Variants in SH3BP5 observed in about 807,000 individuals in gnomAD.
SH3BP5 encodes the protein SH3 domain-binding protein 5.
A neutral mutation model predicts 43.3 loss-of-function variants in SH3BP5; 22 were observed. That is an observed-to-expected ratio of 0.51 (90% CI 0.36 to 0.73). The LOEUF is 0.73. SH3BP5 is among the 30% of genes least tolerant of loss of function. The pLI, the probability that SH3BP5 is intolerant of heterozygous loss-of-function variation, is 0.00. For missense variants in SH3BP5, 529 were observed against 586.9 expected (o/e 0.90, Z 1.02); for synonymous variants, 255 against 225.8 (o/e 1.13, Z -1.16).
At chr3:15,320,569 G>A (rs1475836030) in intron 2 of SH3BP5, among the ~76,000 whole-genome samples, 2 of 139,038 alleles carry the variant, frequency 1.4e-5, no homozygotes, top group Admixed American at 7.5e-5. Flanking sequence ...CCTGCCAAAG[G>A]ATGAGGTTCA....
chr3:15,262,493 C>T (rs1291454373), intron 4 of SH3BP5, among the ~76,000 whole-genome samples: 2 of 152,030 alleles, frequency 1.3e-5, no homozygotes, highest in Non-Finnish European at 2.9e-5. Flanking sequence ...CCCGTCACTG[C>T]TAAAAATACA....
chr3:15,328,236 C>G (rs1023398794), intron 2 of SH3BP5, among the ~76,000 whole-genome samples: 3 of 152,052 alleles, frequency 2.0e-5, no homozygotes, highest in African/African-American at 4.8e-5. Flanking sequence ...CTGTGACACA[C>G]AAATACCTAA....
At chr3:15,322,408 G>T (rs996344591) in intron 2 of SH3BP5, among the ~76,000 whole-genome samples, 4 of 151,794 alleles carry the variant, frequency 2.6e-5, no homozygotes, top group Admixed American at 1.3e-4. Context: ...AAATGCTAAC[G>T]CCCCCAAGCA....
At chr3:15,331,931 G>A (rs1698620245) in intron 1 of SH3BP5, 2 of 226,382 alleles carry the variant, frequency 8.8e-6, no homozygotes, top group Admixed American at 6.0e-5. Flanking sequence ...TGCCGCGGCC[G>A]GGCAGGGGTA....
At position 15,254,356 on chromosome 3, in the gene SH3BP5, T is replaced by C. The variant is rs1404119459; in HGVS notation, c.*1730A>G. ...TCATGATTGGCCAACCAAGAACTTTTTCTCCACAGCATGCTTTAATAATGA... is the reference window on the plus strand; with the variant it reads ...TCATGATTGGCCAACCAAGAACTTTCTCTCCACAGCATGCTTTAATAATGA... On this transcript the variant is annotated 3_prime_UTR_variant, in exon 9 of 9. Coordinates refer to ENST00000383791, the MANE Select transcript of SH3BP5 (RefSeq NM_004844.5). 2.6e-5 allele frequency: 4 copies of C among 152,244 alleles called. No individual in the cohort carries two copies. The highest frequency in any genetic ancestry group is 4.8e-5 in the African/African-American group (2 of 41,462). The allele number at this position is 152,244 out of a possible 1,614,324, so 9.4% of individuals were successfully genotyped here.
Position 15,255,031 on chromosome 3 carries a change from T to TGTTA in SH3BP5, c.*1054_*1055insTAAC, listed in dbSNP as rs1321033504. ...TTGAAAGAGGGTTGCTTTTTTCTTTTAGAAATGCTAAATTTTCTTAACAAG... is the reference window on the plus strand; with the variant it reads ...TTGAAAGAGGGTTGCTTTTTTCTTTTGTTAAGAAATGCTAAATTTTCTTAACAAG... On this transcript the variant is annotated 3_prime_UTR_variant, in exon 9 of 9. Coordinates refer to ENST00000383791, the MANE Select transcript of SH3BP5 (RefSeq NM_004844.5). The TGTTA allele has an allele frequency of 1.3e-5, 2 of 152,514 alleles. No homozygotes were observed. 9.4% of individuals were successfully genotyped at this position (152,514 alleles called of 1,614,324 possible).
chr3:15,317,855 G>C (rs979885798), intron 2 of SH3BP5, among the ~76,000 whole-genome samples: 1 of 152,176 alleles, frequency 6.6e-6, no homozygotes, highest in African/African-American at 2.4e-5. Flanking sequence ...CCTCTCCCAA[G>C]GAGCTATACC....
At chr3:15,309,540 G>A (rs1337435236) in intron 2 of SH3BP5, among the ~76,000 whole-genome samples, 1 of 152,090 alleles carries the variant, frequency 6.6e-6, no homozygotes, top group Non-Finnish European at 1.5e-5. Context: ...CACCATGCCT[G>A]CTTTTTTGTT....
rs1262188420 is a variant in SH3BP5, at chr3:15,300,567, G to GC, written c.330+3535dup. On this transcript the variant is annotated intron_variant, in intron 3 of 8. Transcript: ENST00000383791. ...TTGGCAGCATCTGGAAGTGGACATC[G>GC]CCCCCCTCACCATCAGGAAGGTGAG... 3.3e-5 allele frequency among the ~76,000 whole-genome samples: 5 copies of GC among 151,966 alleles called. No individual in the cohort carries two copies. In the East Asian group the frequency reaches 5.8e-4, roughly 18 times the overall value.
In SH3BP5 at chr3:15,255,077, A is replaced by G. The variant is rs1055286514; in HGVS notation, c.*1009T>C. 6.6e-6 allele frequency: 1 copy of G among 152,650 alleles called. No homozygotes were observed. Among genetic ancestry groups the G allele is most frequent in the Non-Finnish European group, 1.5e-5 (1 of 68,056 alleles). 9.5% of individuals were successfully genotyped at this position (152,650 alleles called of 1,614,324 possible). A position where few individuals can be genotyped will look rare whatever the true frequency, so the allele number is the denominator to read the frequency against. Reference sequence around the variant, plus strand: ...ACAAGACAAAAATACAGTGCTCTAAATATGCATTACCATGAAAACGTTAAA... The same window carrying G: ...ACAAGACAAAAATACAGTGCTCTAAGTATGCATTACCATGAAAACGTTAAA... On this transcript the variant is annotated 3_prime_UTR_variant, in exon 9 of 9. Transcript: ENST00000383791.
At chr3:15,299,658 A>G (rs1697678630) in intron 3 of SH3BP5, among the ~76,000 whole-genome samples, 1 of 151,758 alleles carries the variant, frequency 6.6e-6, no homozygotes, top group Admixed American at 6.6e-5. Flanking sequence ...ACATCCAGCT[A>G]ATTTTAAATT....
At position 15,307,520 on chromosome 3, in the gene SH3BP5, T is replaced by C. The variant is rs535298704; in HGVS notation, c.202-3289A>G. 5.9e-5 allele frequency among the ~76,000 whole-genome samples: 9 copies of C among 152,322 alleles called. No individual in the cohort carries two copies. In the East Asian group the frequency reaches 1.5e-3, roughly 26 times the overall value. On this transcript the variant is annotated intron_variant, in intron 2 of 8. Transcript: ENST00000383791. ...TATAAAATTGTTACTTTCCATCCCATAGGGAGGGCTCTTAGAAGGAATCAA... is the reference window on the plus strand; with the variant it reads ...TATAAAATTGTTACTTTCCATCCCACAGGGAGGGCTCTTAGAAGGAATCAA...
chr3:15,290,832 T>A (rs1175456865), intron 3 of SH3BP5, among the ~76,000 whole-genome samples: 1 of 152,066 alleles, frequency 6.6e-6, no homozygotes, highest in African/African-American at 2.4e-5. Context: ...CCCATGCCCA[T>A]GAAAGTTTTA....
chr3:15,281,755 C>A (rs1348787659), intron 3 of SH3BP5, among the ~76,000 whole-genome samples: 5 of 152,300 alleles, frequency 3.3e-5, no homozygotes, highest in African/African-American at 1.2e-4. Context: ...GTAATCCCAG[C>A]ACCTTGGGAG....
intron 4 of SH3BP5, among the ~76,000 whole-genome samples, chr3:15,265,241 C>A (rs1326854715): frequency 6.6e-6 from 1 of 152,106 alleles, no homozygotes; most frequent in African/African-American, 2.4e-5. Context: ...CAGCCAGGTG[C>A]GATGGGGCTC....
At chr3:15,292,582 C>T (rs1401682207) in intron 3 of SH3BP5, among the ~76,000 whole-genome samples, 1 of 152,198 alleles carries the variant, frequency 6.6e-6, no homozygotes, top group East Asian at 1.9e-4. Context: ...GGCGCGGTGG[C>T]TCATGCCTGT....
At chr3:15,265,029 A>G (rs531821204) in intron 4 of SH3BP5, among the ~76,000 whole-genome samples, 1 of 151,956 alleles carries the variant, frequency 6.6e-6, no homozygotes, top group Non-Finnish European at 1.5e-5. Flanking sequence ...CCCTCATTCT[A>G]TCTTGGCCTC....
chr3:15,329,034 C>T lies in SH3BP5; in HGVS notation c.201+1470G>A, dbSNP rs531224471. On this transcript the variant is annotated intron_variant, in intron 2 of 8. Coordinates refer to ENST00000383791, the MANE Select transcript of SH3BP5 (RefSeq NM_004844.5). ...GCATGGTGGTGCACACCTGTAATCCCAGCTACTCAGGAAGCTGAGGAATGA... is the reference window on the plus strand; with the variant it reads ...GCATGGTGGTGCACACCTGTAATCCTAGCTACTCAGGAAGCTGAGGAATGA... Among the ~76,000 whole-genome samples, 16 of 152,136 alleles carry T rather than the reference C, an allele frequency of 1.1e-4. No homozygotes were observed. The South Asian group carries it at 3.1e-3, about 30-fold the overall frequency.
Position 15,269,837 on chromosome 3 carries a change from C to T in SH3BP5, c.371G>A (p.Arg124Lys), listed in dbSNP as rs1286329964. Residue 124 changes from arginine to lysine, a missense_variant, in exon 4 of 9, where the codon AGG (arginine) becomes AAG (lysine). Around this residue, in one of 3 missense-constraint regions of SH3BP5, gnomAD observed 85 missense variants for 140.8 expected, o/e 0.60. Coordinates refer to ENST00000383791, the MANE Select transcript of SH3BP5 (RefSeq NM_004844.5). ...GGCGGCACGGAGCACCTCTGTGGCCCTCTGGAAGTCCTGCGTGGCTTTCTG... is the reference window on the plus strand; with the variant it reads ...GGCGGCACGGAGCACCTCTGTGGCCTTCTGGAAGTCCTGCGTGGCTTTCTG... ...EAQKATQDFQ[R>K]ATEVLRAAKE... 1.9e-6 allele frequency: 3 copies of T among 1,587,412 alleles called. No homozygotes were observed. The Admixed American group carries it at 5.3e-5, about 28-fold the overall frequency.
Sources: gnomAD v4.1 joint callset for allele counts (sites outside exome capture counted in the v4.1 genomes callset) on GRCh38, gnomAD v4.1.1 for gene constraint, gnomAD v4.1.1 regional missense constraint, MANE v1.5 for transcripts, NCBI Gene and HGNC (gene_info 2026-07-23, HGNC 2026-07-21) for gene names.